The following CNGA4 variants were observed in gnomAD, a reference collection of about 807,000 sequenced individuals.
CNGA4 encodes the protein cyclic nucleotide gated channel subunit alpha 4, also known as cyclic nucleotide-gated channel alpha-4.
CNGA4 carries 32 observed loss-of-function variants against 45.6 expected under a neutral mutation model. The observed-to-expected ratio is 0.70, with a 90% CI of 0.53 to 0.94. CNGA4 has a LOEUF of 0.94. Among genes scored for constraint, CNGA4 ranks in the 40% least tolerant of loss-of-function variants. The probability of loss-of-function intolerance (pLI) is 0.00; values close to 1 mark genes in which losing one functional copy is unlikely to be tolerated. For synonymous variants in CNGA4, 293 were observed against 304.6 expected, an observed-to-expected ratio of 0.96 and a Z score of 0.40; for missense variants, 726 against 755.1, an observed-to-expected ratio of 0.96 and a Z score of 0.45.
upstream of CNGA4, among the ~76,000 whole-genome samples, chr11:6,235,754 C>T (rs1478912229): frequency 6.6e-6 from 1 of 152,098 alleles, no homozygotes; most frequent in African/African-American, 2.4e-5. Flanking sequence ...GCCTGACCAA[C>T]ATAGTGAAAC....
upstream of CNGA4, among the ~76,000 whole-genome samples, chr11:6,238,079 C>T (rs1279982011): frequency 6.6e-6 from 1 of 152,236 alleles, no homozygotes; most frequent in African/African-American, 2.4e-5. Context: ...CATCTCTGTA[C>T]CCAACTCCTA....
At position 6,240,078 on chromosome 11, in the gene CNGA4, A is replaced by C. The variant is rs1847890140; in HGVS notation, c.284A>C (p.Gln95Pro). 6.2e-7 allele frequency: 1 copy of C among 1,608,008 alleles called. No homozygotes were observed. The highest frequency in any genetic ancestry group is 1.1e-5 in the South Asian group (1 of 90,344). The stretch of plus-strand genomic sequence containing the variant: ...TCCCTCTCCCCAGGATTCTTGGAAC[A>C]GGGCATCCTGGTGGTGGACAAGGGT... ...VVRFHTGFLEQGILVVDKGRI... is the reference protein window; with the variant it reads ...VVRFHTGFLEPGILVVDKGRI... Residue 95 changes from glutamine (Q) to proline (P), a missense_variant, in exon 4 of 6, where the codon CAG becomes CCG. Physicochemically the swap from Gln to Pro is moderately conservative, Grantham distance 76 (BLOSUM62 -1). Coordinates refer to ENST00000379936, the MANE Select transcript of CNGA4 (RefSeq NM_001037329.4). The surrounding 1 kb of genome is among the most constrained non-coding windows in gnomAD (Gnocchi z 4.9).
Position 6,240,268 on chromosome 11 carries a change from G to C in CNGA4, c.474G>C (p.Glu158Asp). ...TCTTCGAGGCCTTCGACCGCACAGA[G>C]ACCCGCACAGCTTACCCAAATGCCT... is the stretch of plus-strand genomic sequence containing the variant. The part of the protein sequence containing the change: ...PRLFEAFDRT[E>D]TRTAYPNAFR... The change falls in exon 4 of 6, where the codon GAG (glutamate) becomes GAC (aspartate). Residue 158 changes from glutamate to aspartate, a missense_variant. Glu to Asp is a conservative substitution (Grantham distance 45). Coordinates refer to ENST00000379936, the MANE Select transcript of CNGA4 (RefSeq NM_001037329.4). The surrounding 1 kb of genome is among the most constrained non-coding windows in gnomAD (Gnocchi z 4.9). The C allele has an allele frequency of 6.2e-7, 1 of 1,614,214 alleles. No homozygotes were observed. Among genetic ancestry groups the C allele is most frequent in the South Asian group, 1.1e-5 (1 of 91,086 alleles).
At chr11:6,244,838 T>C (rs985567994), downstream of CNGA4, among the ~76,000 whole-genome samples, 5 of 152,218 alleles carry the variant, frequency 3.3e-5, no homozygotes, top group African/African-American at 1.2e-4. This position sits in a 1 kb window ranked among gnomAD's most constrained non-coding sequence, Gnocchi z 4.5. Context: ...CCTTCACAGG[T>C]GTGCACACAC....
chr11:6,243,845 G>T, intron 5 of CNGA4, 104 bp from the exon 6 acceptor site: 1 of 1,023,110 alleles, frequency 9.8e-7, no homozygotes, highest in Middle Eastern at 2.1e-4. Flanking sequence ...AGAAGGAGAG[G>T]CTCAGAAGCA....
Position 6,239,804 on chromosome 11 carries a change from T to A in CNGA4, c.271+14T>A. 1 of 1,605,444 alleles carries A rather than the reference T, an allele frequency of 6.2e-7. No individual in the cohort carries two copies. Among genetic ancestry groups the A allele is most frequent in the Non-Finnish European group, 8.5e-7 (1 of 1,173,462 alleles). ...GCTTCCACACAGGTCAGTGGGCTTC[T>A]AGGAATGACCCTTTGTCCCACATTC... On this transcript the variant is annotated intron_variant, in intron 3 of 5. Coordinates refer to ENST00000379936, the MANE Select transcript of CNGA4 (RefSeq NM_001037329.4).
At position 6,239,798 on chromosome 11, in the gene CNGA4, G is replaced by C. The variant is rs1259710426; in HGVS notation, c.271+8G>C. The C allele has an allele frequency of 6.2e-7, 1 of 1,609,914 alleles. No individual in the cohort carries two copies. Among genetic ancestry groups the C allele is most frequent in the Non-Finnish European group, 8.5e-7 (1 of 1,177,104 alleles). On this transcript the variant is annotated splice_region_variant and intron_variant, in intron 3 of 5. Transcript: ENST00000379936. ...TGGTGCGCTTCCACACAGGTCAGTG[G>C]GCTTCTAGGAATGACCCTTTGTCCC...
At chr11:6,241,900 C>A in intron 5 of CNGA4, 120 bp downstream of exon 5, 1 of 863,282 alleles carries the variant, frequency 1.2e-6, no homozygotes, top group Non-Finnish European at 1.8e-6. Flanking sequence ...GAAACCTGGC[C>A]CTTCTCTGAG....
Position 6,240,044 on chromosome 11 carries a change from C to G in CNGA4, c.272-22C>G. On this transcript the variant is annotated intron_variant, in intron 3 of 5. Transcript: ENST00000379936. The surrounding 1 kb of genome is among the most constrained non-coding windows in gnomAD (Gnocchi z 4.9). ...AAGCTTGACTACAGCAGGTCCGCTT[C>G]CTACCGGCTCCCTCTCCCCAGGATT... is the stretch of plus-strand genomic sequence containing the variant. The G allele has an allele frequency of 1.9e-6, 3 of 1,585,266 alleles. No homozygotes were observed. The highest frequency in any genetic ancestry group is 2.6e-6 in the Non-Finnish European group (3 of 1,165,246).
chr11:6,235,586 G>C, upstream of CNGA4: 1 of 959,692 alleles, frequency 1.0e-6, no homozygotes, highest in Non-Finnish European at 1.2e-6. Context: ...TGGGAAACAA[G>C]CAAGAGTAAG....
At chr11:6,243,176 C>G (rs1284072519) in intron 5 of CNGA4, among the ~76,000 whole-genome samples, 1 of 152,198 alleles carries the variant, frequency 6.6e-6, no homozygotes, top group Non-Finnish European at 1.5e-5. Context: ...CTAGTTACCT[C>G]CTACTCAGTT....
In CNGA4 at chr11:6,241,621, T is replaced by C. The variant is rs572792687; in HGVS notation, c.1108T>C (p.Ser370Pro). Residue 370 changes from serine (S) to proline (P), a missense_variant, in exon 5 of 6, where the codon TCA becomes CCA. Physicochemically the swap from Ser to Pro is moderately conservative, Grantham distance 74. Coordinates refer to ENST00000379936, the MANE Select transcript of CNGA4 (RefSeq NM_001037329.4). The part of the protein sequence containing the change: ...LVLKLQPQTY[S>P]PGEYVCRKGD... ...GCTGAAGCTGCAGCCCCAGACCTAC[T>C]CACCAGGTGAATATGTATGCCGCAA... is the stretch of plus-strand genomic sequence containing the variant. The C allele has an allele frequency of 1.2e-6, 2 of 1,614,190 alleles. No homozygotes were observed. Among genetic ancestry groups the C allele is most frequent in the Admixed American group, 3.3e-5 (2 of 60,024 alleles).
rs375093341 is a variant in CNGA4, at chr11:6,240,020, A to C, written c.272-46A>C. On this transcript the variant is annotated intron_variant, in intron 3 of 5. Coordinates refer to ENST00000379936, the MANE Select transcript of CNGA4 (RefSeq NM_001037329.4). This position sits in a 1 kb window ranked among gnomAD's most constrained non-coding sequence, Gnocchi z 4.9. Reference sequence around the variant, plus strand: ...CCCTGGGCAGCTCATGCTCAGCCCAAGCTTGACTACAGCAGGTCCGCTTCC... The same window carrying C: ...CCCTGGGCAGCTCATGCTCAGCCCACGCTTGACTACAGCAGGTCCGCTTCC... 25 of 1,566,846 alleles carry C rather than the reference A, an allele frequency of 1.6e-5. No individual in the cohort carries two copies. Among genetic ancestry groups the C allele is most frequent in the Non-Finnish European group, 2.1e-5 (24 of 1,156,092 alleles).
upstream of CNGA4, among the ~76,000 whole-genome samples, chr11:6,238,166 A>G (rs1847861425): frequency 6.6e-6 from 1 of 152,216 alleles, no homozygotes; most frequent in South Asian, 2.1e-4. Context: ...CAGCTAACAG[A>G]GTACTCATCA....
Position 6,240,359 on chromosome 11 carries a change from G to C in CNGA4, c.565G>C (p.Ala189Pro). Residue 189 changes from alanine (A) to proline (P), a missense_variant, in exon 4 of 6, where the codon GCC (alanine) becomes CCC (proline). Transcript: ENST00000379936. The surrounding 1 kb of genome is among the most constrained non-coding windows in gnomAD (Gnocchi z 4.9). Reference sequence around the variant, plus strand: ...CCATTGGAACAGCTGCCTATACTTTGCCCTATCCCGGTACCTGGGCTTCGG... The same window carrying C: ...CCATTGGAACAGCTGCCTATACTTTCCCCTATCCCGGTACCTGGGCTTCGG... The part of the protein sequence containing the change: ...VIHWNSCLYF[A>P]LSRYLGFGRD... 6.2e-7 allele frequency: 1 copy of C among 1,614,210 alleles called. No individual in the cohort carries two copies. The highest frequency in any genetic ancestry group is 8.5e-7 in the Non-Finnish European group (1 of 1,180,042).
At chr11:6,235,396 G>T (rs923614375), upstream of CNGA4, 15 of 845,788 alleles carry the variant, frequency 1.8e-5, no homozygotes, top group Non-Finnish European at 2.1e-5. Flanking sequence ...GGATCAATTA[G>T]AACCGGCCTC....
chr11:6,241,736 G>T lies in CNGA4; in HGVS notation c.1223G>T (p.Gly408Val). Reference protein sequence around the residue: ...DDGITQYAVLGAGLYFGEISI... With the variant: ...DDGITQYAVLVAGLYFGEISI... Reference sequence around the variant, plus strand: ...GGTATCACACAGTATGCTGTGCTCGGTGCAGGGCTCTACTTTGGGGAGATC... The same window carrying T: ...GGTATCACACAGTATGCTGTGCTCGTTGCAGGGCTCTACTTTGGGGAGATC... The change falls in exon 5 of 6, where the codon GGT (glycine) becomes GTT (valine). Residue 408 changes from glycine (G) to valine (V), a missense_variant. Coordinates refer to ENST00000379936, the MANE Select transcript of CNGA4 (RefSeq NM_001037329.4). The T allele has an allele frequency of 6.2e-7, 1 of 1,614,214 alleles. No homozygotes were observed. Among genetic ancestry groups the T allele is most frequent in the Non-Finnish European group, 8.5e-7 (1 of 1,180,036 alleles).
At chr11:6,235,725 G>A (rs1023423901), upstream of CNGA4, among the ~76,000 whole-genome samples, 1 of 152,212 alleles carries the variant, frequency 6.6e-6, no homozygotes, top group African/African-American at 2.4e-5. Context: ...CGGATCACGA[G>A]GTCAAGAGTT....
At position 6,240,146 on chromosome 11, in the gene CNGA4, G is replaced by C. The variant is rs1847891695; in HGVS notation, c.352G>C (p.Asp118His). The C allele has an allele frequency of 6.2e-7, 1 of 1,614,052 alleles. No individual in the cohort carries two copies. The highest frequency in any genetic ancestry group is 8.5e-7 in the Non-Finnish European group (1 of 1,180,054). Residue 118 changes from aspartate to histidine, a missense_variant, in exon 4 of 6, where the codon GAC (aspartate) becomes CAC (histidine). Transcript: ENST00000379936. This position sits in a 1 kb window ranked among gnomAD's most constrained non-coding sequence, Gnocchi z 4.9. ...RYVRTWSFFL[D>H]LASLMPTDVV... ...CGTTCGCACCTGGAGTTTCTTCTTGGACCTGGCTTCCCTGATGCCCACAGA... is the reference window on the plus strand; with the variant it reads ...CGTTCGCACCTGGAGTTTCTTCTTGCACCTGGCTTCCCTGATGCCCACAGA...
Sources: gnomAD v4.1 joint callset for allele counts (sites outside exome capture counted in the v4.1 genomes callset) on GRCh38, gnomAD v4.1.1 for gene constraint, Gnocchi (gnomAD v3.1) non-coding constraint, MANE v1.5 for transcripts, NCBI Gene and HGNC (gene_info 2026-07-23, HGNC 2026-07-21) for gene names.